The following MAP3K7 variants were observed in gnomAD, a reference collection of about 807,000 sequenced individuals.
The protein encoded by MAP3K7 is mitogen-activated protein kinase kinase kinase 7.
Under a neutral mutation model 84.8 loss-of-function variants are expected in MAP3K7, and 21 were observed. The ratio of observed to expected loss-of-function variants is 0.25; its 90% CI spans 0.18 to 0.36. MAP3K7 has a LOEUF of 0.36. Ranked by LOEUF, MAP3K7 falls within the 10% of genes least tolerant of loss-of-function variation. MAP3K7 has a pLI of 1.00. For missense variants in MAP3K7, 503 were observed against 747.7 expected, an observed-to-expected ratio of 0.67 and a Z score of 3.82; for synonymous variants, 241 against 247.7, an observed-to-expected ratio of 0.97 and a Z score of 0.25.
intron 2 of MAP3K7, among the ~76,000 whole-genome samples, chr6:90,571,447 A>T (rs567087407): frequency 5.3e-5 from 8 of 152,200 alleles, no homozygotes; most frequent in Admixed American, 1.3e-4. Context: ...TCTGAATTCC[A>T]TGGATGAAAC....
At chr6:90,543,778 T>C (rs1354595030) in intron 12 of MAP3K7, among the ~76,000 whole-genome samples, 1 of 152,088 alleles carries the variant, frequency 6.6e-6, no homozygotes, top group African/African-American at 2.4e-5. Context: ...AATGATAATT[T>C]TGATAATACA....
Position 90,556,480 on chromosome 6 carries a change from C to T in MAP3K7, c.607+20G>A. The T allele has an allele frequency of 6.2e-7, 1 of 1,606,442 alleles. No individual in the cohort carries two copies. The highest frequency in any genetic ancestry group is 8.5e-7 in the Non-Finnish European group (1 of 1,177,410). ...GGAGTGAGGGAGATTATCAAACATACCATACTTTTGCCATTTTACCTTCAA... is the reference window on the plus strand; with the variant it reads ...GGAGTGAGGGAGATTATCAAACATATCATACTTTTGCCATTTTACCTTCAA... On this transcript the variant is annotated intron_variant, in intron 6 of 16. Coordinates refer to ENST00000369329, the MANE Select transcript of MAP3K7 (RefSeq NM_145331.3).
In MAP3K7 at chr6:90,571,983, A is replaced by G. The variant is rs9362753; in HGVS notation, c.121-176T>C. 0.037 allele frequency among the ~76,000 whole-genome samples: 5,688 copies of G among 152,042 alleles called. 131 individuals carry two copies. The highest frequency in any genetic ancestry group is 0.058 in the African/African-American group (2,398 of 41,520). ...CACTGAACAAGTATGAATTTTTGTT[A>G]AAGTGAGAAGATAATTAAATGCATG... On this transcript the variant is annotated intron_variant, in intron 1 of 16. Transcript: ENST00000369329.
At chr6:90,567,718 T>C (rs538111602) in intron 3 of MAP3K7, among the ~76,000 whole-genome samples, 2 of 152,318 alleles carry the variant, frequency 1.3e-5, no homozygotes, top group South Asian at 4.1e-4. Flanking sequence ...ACTGGGTATA[T>C]ACCCAAAGGA....
chr6:90,537,163 T>G (rs1025439849), intron 12 of MAP3K7: 1 of 152,016 alleles, frequency 6.6e-6, no homozygotes, highest in Non-Finnish European at 1.5e-5. Context: ...CACTTTTATT[T>G]GGGAATAAAG....
intron 3 of MAP3K7, among the ~76,000 whole-genome samples, chr6:90,568,057 C>T (rs955015323): frequency 1.1e-4 from 16 of 144,732 alleles, no homozygotes; most frequent in Non-Finnish European, 1.5e-5. Flanking sequence ...ACACTGGGTC[C>T]TGTTGTGGGG....
At chr6:90,546,736 T>C (rs957427655) in intron 11 of MAP3K7, among the ~76,000 whole-genome samples, 5 of 152,138 alleles carry the variant, frequency 3.3e-5, no homozygotes, top group Non-Finnish European at 2.9e-5. Flanking sequence ...TCTAATAAAA[T>C]TATGATATTT....
intron 1 of MAP3K7, among the ~76,000 whole-genome samples, chr6:90,572,970 C>T (rs1170131056): frequency 1.3e-5 from 2 of 152,116 alleles, no homozygotes; most frequent in Non-Finnish European, 2.9e-5. Flanking sequence ...TGTATCAAGG[C>T]CTTTTTCTTT....
chr6:90,556,757 C>A lies in MAP3K7; in HGVS notation c.483-133G>T, dbSNP rs573719852. The A allele has an allele frequency of 1.7e-4, 144 of 862,190 alleles. No individual in the cohort carries two copies. The African/African-American group carries it at 2.0e-3, about 12-fold the overall frequency. 53.4% of individuals were successfully genotyped at this position (862,190 alleles called of 1,614,324 possible). A position where few individuals can be genotyped will look rare whatever the true frequency, so the allele number is the denominator to read the frequency against. ...TTATCATTCAACTTCTGTGAAATGA[C>A]TAATTTACTTGGTCACTATAAAAGC... On this transcript the variant is annotated intron_variant, in intron 5 of 16. Transcript: ENST00000369329.
chr6:90,575,469 G>A (rs1238014328), intron 1 of MAP3K7, among the ~76,000 whole-genome samples: 1 of 152,160 alleles, frequency 6.6e-6, no homozygotes, highest in African/African-American at 2.4e-5. Flanking sequence ...AAGCTTCAAA[G>A]GAGTAAGGAT....
At chr6:90,566,848 C>T (rs570953089) in intron 3 of MAP3K7, among the ~76,000 whole-genome samples, 10 of 152,246 alleles carry the variant, frequency 6.6e-5, no homozygotes, top group Admixed American at 2.0e-4. Context: ...CAGCACGGTA[C>T]TGGTACCAAA....
At position 90,516,408 on chromosome 6, in the gene MAP3K7, A is replaced by G; in HGVS notation, c.*93T>C. 3 of 1,335,050 alleles carry G rather than the reference A, an allele frequency of 2.2e-6. No homozygotes were observed. In the South Asian group the frequency reaches 3.8e-5, roughly 17 times the overall value. The allele number at this position is 1,335,050 out of a possible 1,614,324, so 82.7% of individuals were successfully genotyped here. ...AGTTGGCATTCAGAACACGCCAAAA[A>G]GCTAACACTCATGAATCGTCATTAT... is the stretch of plus-strand genomic sequence containing the variant. On this transcript the variant is annotated 3_prime_UTR_variant, in exon 17 of 17. Coordinates refer to ENST00000369329, the MANE Select transcript of MAP3K7 (RefSeq NM_145331.3).
chr6:90,553,635 G>A, intron 6 of MAP3K7, 49 bp from the exon 7 acceptor site: 1 of 1,526,282 alleles, frequency 6.6e-7, no homozygotes, highest in South Asian at 1.2e-5. Flanking sequence ...TTTTCCACAT[G>A]ACTTACAGAA....
intron 10 of MAP3K7, among the ~76,000 whole-genome samples, 182 bp from the exon 11 acceptor site, chr6:90,547,569 C>T (rs1776044304): frequency 6.6e-6 from 1 of 152,146 alleles, no homozygotes; most frequent in Admixed American, 6.5e-5. Flanking sequence ...CAGATACTGT[C>T]TTTATGAAAA....
At chr6:90,555,877 T>C (rs1417683538) in intron 6 of MAP3K7, among the ~76,000 whole-genome samples, 1 of 152,232 alleles carries the variant, frequency 6.6e-6, no homozygotes, top group Admixed American at 6.5e-5. Context: ...AACATTTCTG[T>C]AACTCATGCC....
At chr6:90,554,981 C>A (rs919685160) in intron 6 of MAP3K7, among the ~76,000 whole-genome samples, 1 of 152,122 alleles carries the variant, frequency 6.6e-6, no homozygotes, top group Admixed American at 6.5e-5. Context: ...TTAAAGTCAT[C>A]AAAACTGAAA....
intron 1 of MAP3K7, 106 bp from the exon 2 acceptor site, chr6:90,571,913 ATT>A (rs764752375): frequency 2.2e-6 from 1 of 451,094 alleles, no homozygotes. Context: ...AAGACTTTAA[ATT>A]AAAAAAAAAA....
intron 1 of MAP3K7, among the ~76,000 whole-genome samples, chr6:90,579,156 A>G (rs1777183274): frequency 6.6e-6 from 1 of 152,220 alleles, no homozygotes; most frequent in African/African-American, 2.4e-5. Flanking sequence ...ACTCAAAGGC[A>G]GCAAGTATGA....
intron 14 of MAP3K7, among the ~76,000 whole-genome samples, chr6:90,519,634 T>C (rs995316641): frequency 1.3e-5 from 2 of 152,024 alleles, no homozygotes; most frequent in African/African-American, 4.8e-5. Flanking sequence ...CTTTATATTT[T>C]AAATTCAGTC....
Sources: allele counts gnomAD v4.1 joint callset (sites outside exome capture counted in the v4.1 genomes callset), GRCh38; gene constraint gnomAD v4.1.1; transcripts MANE v1.5; gene names NCBI Gene and HGNC (gene_info 2026-07-23, HGNC 2026-07-21).